Variants in ZAN observed in about 807,000 individuals in gnomAD.
ZAN encodes zonadhesin (gene/pseudogene).
ZAN carries 260 observed loss-of-function variants against 286.2 expected under a neutral mutation model. The ratio of observed to expected loss-of-function variants is 0.91; its 90% CI spans 0.82 to 1.01. ZAN has a LOEUF of 1.01. Ranked by LOEUF, ZAN falls within the 50% of genes least tolerant of loss-of-function variation. The pLI is 0.00. For missense variants in ZAN, 3,410 were observed against 3,639.2 expected, an observed-to-expected ratio of 0.94 and a Z score of 1.62; for synonymous variants, 1,368 against 1,417.5, an observed-to-expected ratio of 0.97 and a Z score of 0.79.
In ZAN at chr7:100,751,248, A is replaced by T. The variant is rs753897362; in HGVS notation, c.1588A>T (p.Asn530Tyr). 6.2e-7 allele frequency: 1 copy of T among 1,606,526 alleles called. No homozygotes were observed. Among genetic ancestry groups the T allele is most frequent in the East Asian group, 2.2e-5 (1 of 44,742 alleles). The change falls in exon 13 of 48, where the codon AAT becomes TAT. Residue 530 changes from asparagine to tyrosine, a missense_variant. Physicochemically the swap from Asn to Tyr is moderately radical, Grantham distance 143. This residue lies in a region of ZAN where 872 missense variants were observed against 938.9 expected (regional missense o/e 0.93). Transcript: ENST00000613979. ...GGTTGCTATGGGTTTCATCTTGATC[A>T]ATCCTGGGACTTGTCCAGGTAAGAC... ...SVVAMGFILINPGTCPVKVLP... is the reference protein window; with the variant it reads ...SVVAMGFILIYPGTCPVKVLP...
chr7:100,791,107 T>C lies in ZAN; in HGVS notation c.7523T>C (p.Phe2508Ser). 2 of 1,611,020 alleles carry C rather than the reference T, an allele frequency of 1.2e-6. No individual in the cohort carries two copies. The highest frequency in any genetic ancestry group is 2.7e-5 in the African/African-American group (2 of 74,936). Residue 2508 changes from phenylalanine to serine, a missense_variant, in exon 40 of 48, where the codon TTC (phenylalanine) becomes TCC (serine). Physicochemically the swap from Phe to Ser is radical, Grantham distance 155. Around this residue, in one of 7 missense-constraint regions of ZAN, gnomAD observed 1,289 missense variants for 1,314.3 expected, o/e 0.98. Coordinates refer to ENST00000613979, the MANE Select transcript of ZAN (RefSeq NM_003386.3). ...AAGACCGAGGACGCACTCCTGCGCT[T>C]CCCCAGGTGCACGGCCTGGAAGGGA... ...EVKTEDALLR[F>S]PRAIPAEEEG...
chr7:100,749,565 G>A lies in ZAN; in HGVS notation c.1250-1060G>A, dbSNP rs759442621. Among the ~76,000 whole-genome samples the A allele has an allele frequency of 2.1e-3, 323 of 150,608 alleles. 3 individuals are homozygous for A. Among genetic ancestry groups the A allele is most frequent in the Non-Finnish European group, 2.9e-3 (199 of 67,692 alleles). On this transcript the variant is annotated intron_variant, in intron 11 of 47. Coordinates refer to ENST00000613979, the MANE Select transcript of ZAN (RefSeq NM_003386.3). ...TGAGGCAGGAGAATGGCGTGAGCCCGGGAGGCAGAGCTTGCAGTGAGCCGA... is the reference window on the plus strand; with the variant it reads ...TGAGGCAGGAGAATGGCGTGAGCCCAGGAGGCAGAGCTTGCAGTGAGCCGA...
chr7:100,790,864 C>T, intron 39 of ZAN, 78 bp from the exon 40 acceptor site: 4 of 1,401,628 alleles, frequency 2.9e-6, no homozygotes, highest in Non-Finnish European at 3.7e-6. Context: ...GCCTGGGCAA[C>T]AGAGCAAGAC....
At chr7:100,748,686 C>T (rs1808402814) in intron 11 of ZAN, among the ~76,000 whole-genome samples, 1 of 152,048 alleles carries the variant, frequency 6.6e-6, no homozygotes, top group South Asian at 2.1e-4. Context: ...CCTGAGAAAA[C>T]CCAGGCATCT....
intron 45 of ZAN, among the ~76,000 whole-genome samples, chr7:100,795,994 C>A (rs1220483130): frequency 6.6e-6 from 1 of 151,994 alleles, no homozygotes. Context: ...GCACGAGACC[C>A]GCTTGAACCC....
intron 29 of ZAN, among the ~76,000 whole-genome samples, chr7:100,772,724 A>G (rs965613303): frequency 7.3e-5 from 11 of 151,134 alleles, no homozygotes; most frequent in South Asian, 2.1e-4. Flanking sequence ...GGGAGGCTGA[A>G]GCAGGAGAAT....
At chr7:100,793,398 C>T (rs149422338) in intron 42 of ZAN, among the ~76,000 whole-genome samples, 27 of 152,156 alleles carry the variant, frequency 1.8e-4, no homozygotes, top group Non-Finnish European at 3.1e-4. Flanking sequence ...AGCTGCAACA[C>T]GTTCTAGCTT....
Position 100,752,256 on chromosome 7 carries a change from CA to C in ZAN, c.2152del (p.Thr718ProfsTer283). On this transcript the variant is annotated frameshift_variant, in exon 14 of 48. Transcript: ENST00000613979. LOFTEE classifies it high-confidence loss of function. ...AACCCACCATCTCCCCAGAAAAACC[CA>C]CCATCCCCACAGAAAAACCCACCAT... is the stretch of plus-strand genomic sequence containing the variant. Reference protein sequence around the residue: ...EKPTISPEKPTIPTEKPTIPT... With the variant: ...EKPTISPEKPXIPTEKPTIPT... The C allele has an allele frequency of 6.2e-7, 1 of 1,606,916 alleles. No homozygotes were observed. Among genetic ancestry groups the C allele is most frequent in the African/African-American group, 1.4e-5 (1 of 73,586 alleles).
At position 100,763,719 on chromosome 7, in the gene ZAN, C is replaced by T. The variant is rs977507114; in HGVS notation, c.3987-87C>T. On this transcript the variant is annotated intron_variant, in intron 20 of 47. Transcript: ENST00000613979. This position sits in a 1 kb window ranked among gnomAD's most constrained non-coding sequence, Gnocchi z 4.6. ...AGCTGACAGGCTGGTTTGCCGGTCCCGGCCTGCCAGCCTTGCTGCCTGCTG... is the reference window on the plus strand; with the variant it reads ...AGCTGACAGGCTGGTTTGCCGGTCCTGGCCTGCCAGCCTTGCTGCCTGCTG... The T allele has an allele frequency of 5.1e-5, 72 of 1,408,588 alleles. 1 individual carries two copies. The East Asian group carries it at 1.2e-3, about 24-fold the overall frequency. The allele number at this position is 1,408,588 out of a possible 1,614,324, so 87.3% of individuals were successfully genotyped here.
intron 39 of ZAN, among the ~76,000 whole-genome samples, 155 bp downstream of exon 39, chr7:100,789,502 A>T (rs1202308551): frequency 6.6e-6 from 1 of 152,204 alleles, no homozygotes; most frequent in Non-Finnish European, 1.5e-5. Context: ...AGGTGAGACC[A>T]GGTGGAGAGC....
At chr7:100,764,782 G>A (rs1809839732) in intron 22 of ZAN, among the ~76,000 whole-genome samples, 1 of 152,046 alleles carries the variant, frequency 6.6e-6, no homozygotes, top group Admixed American at 6.6e-5. Flanking sequence ...GGAGGCTGAG[G>A]CAGGAAAATC....
chr7:100,757,330 C>T (rs1245952670), intron 15 of ZAN, among the ~76,000 whole-genome samples: 4 of 152,210 alleles, frequency 2.6e-5, no homozygotes, highest in East Asian at 1.9e-4. Context: ...GGGGTCGCCA[C>T]GAATAGGCTG....
In ZAN at chr7:100,776,455, G is replaced by A. The variant is rs1810793915; in HGVS notation, c.6208G>A (p.Gly2070Arg). The change falls in exon 34 of 48, where the codon GGG becomes AGG. Residue 2070 changes from glycine to arginine, a missense_variant. Coordinates refer to ENST00000613979, the MANE Select transcript of ZAN (RefSeq NM_003386.3). ...CCCCCGCCAGGTCTGCGGCATGTGT[G>A]GGAACTTCAATGATGAGGAAGAGGA... ...TYYGKVCGMC[G>R]NFNDEEEDEL... is the part of the protein sequence containing the mutation. The A allele has an allele frequency of 1.2e-6, 2 of 1,606,156 alleles. No individual in the cohort carries two copies. The highest frequency in any genetic ancestry group is 1.7e-5 in the Admixed American group (1 of 58,822).
At chr7:100,749,650 AAATATAT>A (rs1562921295) in intron 11 of ZAN, among the ~76,000 whole-genome samples, 2 of 121,184 alleles carry the variant, frequency 1.7e-5, no homozygotes, top group African/African-American at 3.0e-5. Flanking sequence ...AAAAAAAAAA[AAATATAT>A]ATATATATAT....
In ZAN at chr7:100,750,967, C is replaced by T. The variant is rs1379264286; in HGVS notation, c.1521+71C>T. On this transcript the variant is annotated intron_variant, in intron 12 of 47. Transcript: ENST00000613979. The stretch of plus-strand genomic sequence containing the variant: ...CAATGCCTGGGATCTGGGGGCGCCA[C>T]CAGTGCTGAAGAGGTGGAAAGCTGG... 4 of 1,508,678 alleles carry T rather than the reference C, an allele frequency of 2.7e-6. No individual in the cohort carries two copies. In the African/African-American group the frequency reaches 5.6e-5, roughly 21 times the overall value. 93.5% of individuals were successfully genotyped at this position (1,508,678 alleles called of 1,614,324 possible). A position where few individuals can be genotyped will look rare whatever the true frequency, so the allele number is the denominator to read the frequency against.
rs754285359 is a variant in ZAN, at chr7:100,752,190, A to T, written c.2085A>T (p.Lys695Asn). The change falls in exon 14 of 48, where the codon AAA (lysine) becomes AAT (asparagine). Residue 695 changes from lysine (K) to asparagine (N), a missense_variant. Lys to Asn is a moderately conservative substitution (Grantham distance 94). This residue lies in a region of ZAN where 872 missense variants were observed against 938.9 expected (regional missense o/e 0.93). Coordinates refer to ENST00000613979, the MANE Select transcript of ZAN (RefSeq NM_003386.3). ...PTEKPSIPTEKPTISMEETII... is the reference protein window; with the variant it reads ...PTEKPSIPTENPTISMEETII... The stretch of plus-strand genomic sequence containing the variant: ...AAAAACCCAGCATCCCCACGGAAAA[A>T]CCCACCATCTCCATGGAAGAGACTA... The T allele has an allele frequency of 4.3e-6, 7 of 1,610,540 alleles. No individual in the cohort carries two copies. The African/African-American group carries it at 8.1e-5, about 19-fold the overall frequency.
In ZAN at chr7:100,747,580, G is replaced by T. The variant is rs1417717792; in HGVS notation, c.962G>T (p.Gly321Val). The change falls in exon 9 of 48, where the codon GGA becomes GTA. Residue 321 changes from glycine (G) to valine (V), a missense_variant. Transcript: ENST00000613979. ...ATCCGGAAACACACTCTCTTCTCAG[G>T]ACAACCTGGGCCCAACTGGCAGGCT... is the stretch of plus-strand genomic sequence containing the variant. ...GSIRKHTLFS[G>V]QPGPNWQAVS... 1 of 1,613,616 alleles carries T rather than the reference G, an allele frequency of 6.2e-7. No homozygotes were observed. Among genetic ancestry groups the T allele is most frequent in the Non-Finnish European group, 8.5e-7 (1 of 1,179,836 alleles).
At chr7:100,777,724 A>C (rs1219880311) in intron 34 of ZAN, among the ~76,000 whole-genome samples, 1 of 152,056 alleles carries the variant, frequency 6.6e-6, no homozygotes, top group Non-Finnish European at 1.5e-5. Flanking sequence ...CACCTGGGGC[A>C]GGAAGACCAG....
chr7:100,766,161 AT>A (rs1809955594), intron 23 of ZAN, among the ~76,000 whole-genome samples: 1 of 150,886 alleles, frequency 6.6e-6, no homozygotes, highest in African/African-American at 2.4e-5. Flanking sequence ...TAATTTTTGT[AT>A]TTTTAGTACA....
Sources: allele counts gnomAD v4.1 joint callset (sites outside exome capture counted in the v4.1 genomes callset), GRCh38; gene constraint gnomAD v4.1.1; regional missense constraint gnomAD v4.1.1; non-coding constraint Gnocchi (gnomAD v3.1); transcripts MANE v1.5; gene names NCBI Gene and HGNC (gene_info 2026-07-23, HGNC 2026-07-21).